Variants in ACAD10 observed in about 807,000 individuals in gnomAD.
ACAD10 encodes acyl-CoA dehydrogenase family member 10.
A neutral mutation model predicts 116.8 loss-of-function variants in ACAD10; 112 were observed. The observed-to-expected ratio is 0.96, with a 90% CI of 0.82 to 1.12. ACAD10 has a LOEUF of 1.12. Ranked by LOEUF, ACAD10 falls within the 50% of genes most tolerant of loss-of-function variation. The pLI, the probability that ACAD10 is intolerant of heterozygous loss-of-function variation, is 0.00. For synonymous variants in ACAD10, 486 were observed against 510.6 expected (o/e 0.95, Z 0.65); for missense variants, 1,259 against 1,350.2 (o/e 0.93, Z 1.06).
chr12:111,715,236 A>G (rs1206678140), intron 6 of ACAD10, among the ~76,000 whole-genome samples: 1 of 152,236 alleles, frequency 6.6e-6, no homozygotes, highest in Non-Finnish European at 1.5e-5. Flanking sequence ...CCCAGGGTTC[A>G]GTCTTCTTAT....
intron 7 of ACAD10, among the ~76,000 whole-genome samples, chr12:111,720,064 G>A (rs558091704): frequency 2.5e-4 from 38 of 152,016 alleles, no homozygotes; most frequent in African/African-American, 8.4e-4. Context: ...GGGTTTCGCC[G>A]TATTGGCCAG....
At chr12:111,704,597 G>A (rs1888443024) in intron 3 of ACAD10, among the ~76,000 whole-genome samples, 1 of 151,952 alleles carries the variant, frequency 6.6e-6, no homozygotes, top group South Asian at 2.1e-4. Flanking sequence ...TAAAATCTGT[G>A]TGTGTATATG....
chr12:111,748,665 G>A (rs1889985157), intron 17 of ACAD10, 190 bp downstream of exon 17: 3 of 690,890 alleles, frequency 4.3e-6, no homozygotes, highest in East Asian at 2.8e-5. Flanking sequence ...TTTCAGACAG[G>A]CATTTATGGA....
chr12:111,698,526 G>A (rs775926023), intron 2 of ACAD10, among the ~76,000 whole-genome samples: 1 of 150,296 alleles, frequency 6.7e-6, no homozygotes, highest in Non-Finnish European at 1.5e-5. Flanking sequence ...TGCCCAAGCT[G>A]GAATGTAATG....
At chr12:111,747,791 A>C (rs1261291717) in intron 16 of ACAD10, 9 of 1,021,384 alleles carry the variant, frequency 8.8e-6, no homozygotes, top group Non-Finnish European at 2.4e-6. Flanking sequence ...TTACTTTTGC[A>C]GGGCCCCTAC....
chr12:111,729,736 TG>T, intron 9 of ACAD10, 69 bp from the exon 10 acceptor site: 1 of 1,562,584 alleles, frequency 6.4e-7, no homozygotes, highest in Non-Finnish European at 8.7e-7. Flanking sequence ...TTCACTGCAC[TG>T]GTTTTTTTTT....
rs775819710 is a variant in ACAD10, at chr12:111,712,552, T to C, written c.745T>C (p.Leu249=). 2.5e-6 allele frequency: 4 copies of C among 1,613,982 alleles called. No homozygotes were observed. The East Asian group carries it at 8.9e-5, about 36-fold the overall frequency. Residue 249 remains leucine, a synonymous_variant, in exon 6 of 21, where the codon TTG becomes CTG. Coordinates refer to ENST00000313698, the MANE Select transcript of ACAD10 (RefSeq NM_025247.6). ...KELEALLGFT[L]RVGVPNTRPV... Reference sequence around the variant, plus strand: ...ATTAGAAGCTCTCTTGGGTTTTACATTGAGAGTAGGTGTTCCAAACACTCG... The same window carrying C: ...ATTAGAAGCTCTCTTGGGTTTTACACTGAGAGTAGGTGTTCCAAACACTCG...
intron 11 of ACAD10, among the ~76,000 whole-genome samples, 180 bp downstream of exon 11, chr12:111,734,248 A>G (rs1225008481): frequency 6.6e-6 from 1 of 152,130 alleles, no homozygotes; most frequent in Non-Finnish European, 1.5e-5. Flanking sequence ...TGGATATAGG[A>G]TGTGTTTTAA....
At chr12:111,700,508 G>A (rs752275722) in intron 2 of ACAD10, among the ~76,000 whole-genome samples, 20 of 152,114 alleles carry the variant, frequency 1.3e-4, no homozygotes, top group Admixed American at 5.2e-4. Context: ...TGCAGAGGTT[G>A]TGCTTGTTTA....
At chr12:111,738,315 G>A (rs1277157925) in intron 12 of ACAD10, among the ~76,000 whole-genome samples, 1 of 150,984 alleles carries the variant, frequency 6.6e-6, no homozygotes, top group Non-Finnish European at 1.5e-5. Flanking sequence ...GCATGGTGGC[G>A]GGTGCCTGTA....
intron 8 of ACAD10, among the ~76,000 whole-genome samples, chr12:111,723,568 G>A (rs1289422355): frequency 9.9e-5 from 12 of 121,756 alleles, no homozygotes; most frequent in East Asian, 2.7e-4. Context: ...CTCACCTCCC[G>A]GACGGGGTGG....
intron 18 of ACAD10, among the ~76,000 whole-genome samples, chr12:111,752,297 T>G (rs1013773215): frequency 6.6e-6 from 1 of 151,752 alleles, no homozygotes; most frequent in African/African-American, 2.4e-5. Context: ...GTTGTTGTTG[T>G]TGTTGTTATT....
At chr12:111,692,612 T>C (rs1358590136) in intron 1 of ACAD10, 85 bp from the exon 2 acceptor site, 2 of 1,381,470 alleles carry the variant, frequency 1.4e-6, no homozygotes, top group African/African-American at 1.4e-5. Flanking sequence ...TAGAGATGTC[T>C]GGCTGGCCCC....
intron 8 of ACAD10, among the ~76,000 whole-genome samples, chr12:111,724,843 G>T (rs1055967457): frequency 1.3e-5 from 2 of 151,054 alleles, no homozygotes; most frequent in African/African-American, 4.9e-5. Context: ...GAAAGAGAGG[G>T]AGAGGGAGAC....
In ACAD10 at chr12:111,692,760, A is replaced by G. The variant is rs77123766; in HGVS notation, c.51A>G (p.Arg17=). The stretch of plus-strand genomic sequence containing the variant: ...CCCCCCGTCTCCAGTGGGTGTGGAG[A>G]ACAGCCTTCCTGAAACACACCCAGC... ...FQSPRLQWVW[R]TAFLKHTQRR... Residue 17 remains arginine, a synonymous_variant, in exon 2 of 21, where the codon AGA becomes AGG. Coordinates refer to ENST00000313698, the MANE Select transcript of ACAD10 (RefSeq NM_025247.6). 2.9e-3 allele frequency: 4,714 copies of G among 1,614,122 alleles called. 122 individuals are homozygous for G. In the African/African-American group the frequency reaches 0.054, roughly 18 times the overall value.
chr12:111,729,829 C>G lies in ACAD10; in HGVS notation c.1267C>G (p.Arg423Gly), dbSNP rs771054986. The part of the protein sequence containing the change: ...KQGDYIPRQV[R>G]TWVKQYRASE... ...AGGGGACTATATTCCACGCCAGGTA[C>G]GAACCTGGGTTAAGCAGTATCGAGC... is the stretch of plus-strand genomic sequence containing the variant. The change falls in exon 10 of 21, where the codon CGA becomes GGA. Residue 423 changes from arginine (R) to glycine (G), a missense_variant. By Grantham distance (125) the Arg-to-Gly change is moderately radical. Transcript: ENST00000313698. The G allele has an allele frequency of 1.9e-6, 3 of 1,614,012 alleles. No homozygotes were observed. Among genetic ancestry groups the G allele is most frequent in the Non-Finnish European group, 1.7e-6 (2 of 1,179,934 alleles).
chr12:111,753,403 C>T, intron 18 of ACAD10: 4 of 440,992 alleles, frequency 9.1e-6, no homozygotes, highest in South Asian at 7.2e-5. Context: ...GCAGTCACTC[C>T]CTCATTCCCA....
chr12:111,738,808 T>C lies in ACAD10; in HGVS notation c.1714+1804T>C, dbSNP rs531539238. Reference sequence around the variant, plus strand: ...ATCACTTGAACCCAGGGGGCAGAGGTTGCAGTGAGCTGAGATCGCGCCTGT... The same window carrying C: ...ATCACTTGAACCCAGGGGGCAGAGGCTGCAGTGAGCTGAGATCGCGCCTGT... On this transcript the variant is annotated intron_variant, in intron 12 of 20. Transcript: ENST00000313698. Among the ~76,000 whole-genome samples, 26 of 152,102 alleles carry C rather than the reference T, an allele frequency of 1.7e-4. No homozygotes were observed. The South Asian group carries it at 5.2e-3, about 30-fold the overall frequency.
intron 19 of ACAD10, 111 bp downstream of exon 19, chr12:111,754,026 T>G: frequency 7.1e-7 from 1 of 1,406,646 alleles, no homozygotes. Flanking sequence ...TCACCTCTAC[T>G]TGGAGCTGTT....
Sources: allele counts gnomAD v4.1 joint callset (sites outside exome capture counted in the v4.1 genomes callset), GRCh38; gene constraint gnomAD v4.1.1; transcripts MANE v1.5; gene names NCBI Gene and HGNC (gene_info 2026-07-23, HGNC 2026-07-21).